Variants in DLG2 observed in about 807,000 individuals in gnomAD.
DLG2 encodes disks large homolog 2.
Under a neutral mutation model 132.5 loss-of-function variants are expected in DLG2, and 45 were observed. The observed-to-expected ratio is 0.34, with a 90% CI of 0.27 to 0.44. The LOEUF (loss-of-function observed/expected upper bound fraction) is 0.44. Ranked by LOEUF, DLG2 falls within the 20% of genes least tolerant of loss-of-function variation. DLG2 has a pLI of 1.00. For missense variants in DLG2, 1,045 were observed against 1,196.9 expected, an observed-to-expected ratio of 0.87 and a Z score of 1.87; for synonymous variants, 424 against 419.6, an observed-to-expected ratio of 1.01 and a Z score of -0.13.
chr11:85,119,422 T>C (rs868485275), intron 5 of DLG2, among the ~76,000 whole-genome samples: 1 of 152,066 alleles, frequency 6.6e-6, no homozygotes, highest in South Asian at 2.1e-4. Flanking sequence ...TAATTTAAGC[T>C]ACTAAATACA....
chr11:85,081,051 T>G (rs1252319816), intron 6 of DLG2, among the ~76,000 whole-genome samples: 2 of 152,176 alleles, frequency 1.3e-5, no homozygotes, highest in African/African-American at 4.8e-5. Context: ...GATTTTTTTA[T>G]AATTAAAAAC....
chr11:85,466,549 C>A lies in DLG2; in HGVS notation c.40+132108G>T, dbSNP rs186168690. Among the ~76,000 whole-genome samples the A allele has an allele frequency of 6.1e-3, 931 of 152,190 alleles. 5 individuals carry two copies. Among genetic ancestry groups the A allele is most frequent in the Admixed American group, 0.014 (209 of 15,282 alleles). On this transcript the variant is annotated intron_variant, in intron 3 of 27. Transcript: ENST00000376104. ...ATATGGCTAGCCAGTTTTCCCAGCACCATTTATTAAATAAGGAATCCTTTC... is the reference window on the plus strand; with the variant it reads ...ATATGGCTAGCCAGTTTTCCCAGCAACATTTATTAAATAAGGAATCCTTTC...
At chr11:84,082,046 T>G (rs1295338863) in intron 10 of DLG2, among the ~76,000 whole-genome samples, 5 of 152,158 alleles carry the variant, frequency 3.3e-5, no homozygotes, top group Admixed American at 2.6e-4. Context: ...CTCACTGTGG[T>G]TTTGATTTGC....
intron 17 of DLG2, among the ~76,000 whole-genome samples, chr11:83,788,199 G>C (rs1197014041): frequency 6.6e-6 from 1 of 152,108 alleles, no homozygotes; most frequent in Non-Finnish European, 1.5e-5. Flanking sequence ...GGCAGATGGG[G>C]GGTTACTACT....
At chr11:84,211,762 T>C (rs2096758437) in intron 8 of DLG2, among the ~76,000 whole-genome samples, 1 of 152,146 alleles carries the variant, frequency 6.6e-6, no homozygotes, top group South Asian at 2.1e-4. Context: ...ACTCAGTCTA[T>C]AGGATCAGAT....
At chr11:84,695,757 A>T (rs912223427) in intron 6 of DLG2, among the ~76,000 whole-genome samples, 1 of 150,816 alleles carries the variant, frequency 6.6e-6, no homozygotes, top group Non-Finnish European at 1.5e-5. Context: ...GTTTAGTAAG[A>T]GAGATCAACA....
intron 19 of DLG2, among the ~76,000 whole-genome samples, chr11:83,576,849 T>A (rs1565878565): frequency 6.6e-6 from 1 of 152,198 alleles, no homozygotes; most frequent in Admixed American, 6.6e-5. Context: ...GGAAGTACCC[T>A]GGGAATGGTA....
At chr11:84,426,197 T>C (rs1369483376) in intron 7 of DLG2, among the ~76,000 whole-genome samples, 2 of 152,114 alleles carry the variant, frequency 1.3e-5, no homozygotes, top group African/African-American at 2.4e-5. Context: ...TGTAGGGGCG[T>C]ACATCTTAGT....
chr11:85,232,547 A>C (rs1167122558), intron 4 of DLG2, among the ~76,000 whole-genome samples: 1 of 151,958 alleles, frequency 6.6e-6, no homozygotes, highest in Non-Finnish European at 1.5e-5. Context: ...GATAGATAGA[A>C]TAAGGCATTT....
intron 14 of DLG2, among the ~76,000 whole-genome samples, chr11:83,938,315 C>A (rs1207969435): frequency 6.6e-6 from 1 of 152,108 alleles, no homozygotes; most frequent in African/African-American, 2.4e-5. Context: ...AAAGTAAACA[C>A]TGCTGAGAGT....
intron 6 of DLG2, among the ~76,000 whole-genome samples, chr11:84,576,262 T>A (rs2099499733): frequency 6.6e-6 from 1 of 152,224 alleles, no homozygotes; most frequent in African/African-American, 2.4e-5. Flanking sequence ...AATATAGCAT[T>A]AATGCCTGCC....
chr11:85,496,227 A>G (rs1367541737), intron 3 of DLG2, among the ~76,000 whole-genome samples: 1 of 152,180 alleles, frequency 6.6e-6, no homozygotes, highest in Non-Finnish European at 1.5e-5. Flanking sequence ...AGTCTTCACA[A>G]TCAGCAGACA....
chr11:84,335,380 T>C (rs2098479663), intron 7 of DLG2, among the ~76,000 whole-genome samples: 1 of 151,568 alleles, frequency 6.6e-6, no homozygotes, highest in Non-Finnish European at 1.5e-5. Context: ...AGGATAATCT[T>C]AAAAACAAAA....
At chr11:84,860,062 C>T (rs577463223) in intron 6 of DLG2, among the ~76,000 whole-genome samples, 6 of 152,100 alleles carry the variant, frequency 3.9e-5, no homozygotes, top group Non-Finnish European at 8.8e-5. Flanking sequence ...TTATATTAAT[C>T]TTGGCATCCC....
At chr11:83,837,364 C>A (rs1360365091) in intron 16 of DLG2, among the ~76,000 whole-genome samples, 1 of 152,100 alleles carries the variant, frequency 6.6e-6, no homozygotes, top group African/African-American at 2.4e-5. Flanking sequence ...CCTTGTTCTG[C>A]CTATTTGCTG....
chr11:84,856,165 G>A (rs2082758995), intron 6 of DLG2, among the ~76,000 whole-genome samples: 1 of 151,882 alleles, frequency 6.6e-6, no homozygotes, highest in Non-Finnish European at 1.5e-5. Context: ...TCCTCTCTAG[G>A]GCCACACAAA....
At chr11:85,147,412 A>G (rs2076940638) in intron 5 of DLG2, among the ~76,000 whole-genome samples, 1 of 152,096 alleles carries the variant, frequency 6.6e-6, no homozygotes. Flanking sequence ...GCCTCTTTTT[A>G]TATACCTGTT....
Position 85,257,175 on chromosome 11 carries a change from C to T in DLG2, c.186+28045G>A, listed in dbSNP as rs2076714282. 3.3e-5 allele frequency among the ~76,000 whole-genome samples: 5 copies of T among 152,068 alleles called. No homozygotes were observed. In the South Asian group the frequency reaches 1.0e-3, roughly 31 times the overall value. ...ATACAAAAAGTGGGCCACCTAGACA[C>T]ATTTACTTAGTTATGGAAAGGCAAA... On this transcript the variant is annotated intron_variant, in intron 4 of 27. Transcript: ENST00000376104.
chr11:84,023,801 C>G (rs2095467072), intron 11 of DLG2, among the ~76,000 whole-genome samples: 1 of 152,064 alleles, frequency 6.6e-6, no homozygotes, highest in Admixed American at 6.6e-5. Context: ...GACAGCAAGA[C>G]CAAATCCTTC....
Sources: gnomAD v4.1 joint callset for allele counts (sites outside exome capture counted in the v4.1 genomes callset) on GRCh38, gnomAD v4.1.1 for gene constraint, MANE v1.5 for transcripts, NCBI Gene and HGNC (gene_info 2026-07-23, HGNC 2026-07-21) for gene names.